IGSF21: variants seen among roughly 807,000 people sequenced by gnomAD.
IGSF21 encodes the protein immunoglobin superfamily member 21, also known as immunoglobulin superfamily member 21.
IGSF21 carries 28 observed loss-of-function variants against 46.8 expected under a neutral mutation model. The observed-to-expected ratio is 0.60, with a 90% confidence interval of 0.44 to 0.82. The LOEUF is 0.82. IGSF21 is among the 40% of genes least tolerant of loss of function. IGSF21 has a pLI of 0.00. For synonymous variants in IGSF21, 284 were observed against 273.6 expected, an observed-to-expected ratio of 1.04 and a Z score of -0.38; for missense variants, 624 against 665.5, an observed-to-expected ratio of 0.94 and a Z score of 0.69.
In IGSF21 at chr1:18,338,037, G is replaced by A. The variant is rs141091244; in HGVS notation, c.424+3027G>A. Among the ~76,000 whole-genome samples, 1,143 of 152,176 alleles carry A rather than the reference G, an allele frequency of 7.5e-3. 11 individuals carry two copies. Among genetic ancestry groups the A allele is most frequent in the Middle Eastern group, 0.027 (8 of 294 alleles). On this transcript the variant is annotated intron_variant, in intron 4 of 9. Coordinates refer to ENST00000251296, the MANE Select transcript of IGSF21 (RefSeq NM_032880.5). Reference sequence around the variant, plus strand: ...CATACAGCATCTCCTGTAACCCATCGACCACATGGGCCTGGGAGGCAGGCA... The same window carrying A: ...CATACAGCATCTCCTGTAACCCATCAACCACATGGGCCTGGGAGGCAGGCA...
intron 3 of IGSF21, among the ~76,000 whole-genome samples, chr1:18,325,416 G>A (rs929473386): frequency 1.3e-5 from 2 of 152,152 alleles, no homozygotes; most frequent in African/African-American, 4.8e-5. Flanking sequence ...GAGGGGGAGG[G>A]AGAAGGACTG....
chr1:18,145,761 C>T (rs78819149), intron 1 of IGSF21, among the ~76,000 whole-genome samples: 1,703 of 152,318 alleles, frequency 0.011, 21 homozygotes, highest in Non-Finnish European at 0.019. Context: ...ATGCGCAGGG[C>T]ACCTGCCGGC....
chr1:18,117,373 G>A (rs1484813895), intron 1 of IGSF21, among the ~76,000 whole-genome samples: 1 of 152,218 alleles, frequency 6.6e-6, no homozygotes, highest in Non-Finnish European at 1.5e-5. Context: ...GGGAGGAGGA[G>A]CGCGGTCCTG....
chr1:18,362,705 G>A (rs191797925), intron 5 of IGSF21, among the ~76,000 whole-genome samples: 2 of 152,328 alleles, frequency 1.3e-5, no homozygotes, highest in Admixed American at 1.3e-4. Context: ...CTGAAAGGAG[G>A]GACAGGATGG....
intron 1 of IGSF21, among the ~76,000 whole-genome samples, chr1:18,149,909 C>T (rs964928083): frequency 1.3e-5 from 2 of 152,116 alleles, no homozygotes; most frequent in Non-Finnish European, 1.5e-5. Flanking sequence ...TTTCACCATA[C>T]GCTAATTATT....
intron 9 of IGSF21, among the ~76,000 whole-genome samples, chr1:18,377,808 G>A (rs949204110): frequency 2.8e-4 from 43 of 152,186 alleles, no homozygotes; most frequent in Admixed American, 2.8e-3. Context: ...CGACCGTGGG[G>A]CTGCGTTCTG....
chr1:18,258,197 AG>A (rs2084909470), intron 2 of IGSF21, among the ~76,000 whole-genome samples: 1 of 152,198 alleles, frequency 6.6e-6, no homozygotes, highest in South Asian at 2.1e-4. Context: ...GGAGAGGGAA[AG>A]GGGTTCCCTT....
intron 1 of IGSF21, among the ~76,000 whole-genome samples, chr1:18,158,824 TAGAAGGTTATGCACCCTTTCAG>T (rs1328498525): frequency 6.6e-6 from 1 of 152,158 alleles, no homozygotes; most frequent in African/African-American, 2.4e-5. Context: ...GTTATGTAGT[TAGAAGGTTATGCACCCTTTCAG>T]AGAAGGGTGG....
In IGSF21 at chr1:18,254,455, A is replaced by G. The variant is rs577448908; in HGVS notation, c.183+26445A>G. 3.9e-5 allele frequency among the ~76,000 whole-genome samples: 6 copies of G among 152,294 alleles called. No homozygotes were observed. In the South Asian group the frequency reaches 1.0e-3, roughly 26 times the overall value. On this transcript the variant is annotated intron_variant, in intron 2 of 9. Coordinates refer to ENST00000251296, the MANE Select transcript of IGSF21 (RefSeq NM_032880.5). ...TCTTTAACCCTAACCCTAGAGTTAG[A>G]TTCAAAAACATAATCCTAACCCTAA...
intron 4 of IGSF21, chr1:18,361,585 G>C (rs536988656): frequency 6.5e-6 from 1 of 154,718 alleles, no homozygotes. Context: ...AACCTACTGC[G>C]GGCTCTGGCA....
intron 2 of IGSF21, among the ~76,000 whole-genome samples, chr1:18,262,182 G>A (rs1218869626): frequency 1.3e-5 from 2 of 152,242 alleles, no homozygotes; most frequent in East Asian, 3.9e-4. Flanking sequence ...TACACCTCTG[G>A]GTTAATCCCC....
chr1:18,185,740 A>G (rs1304428692), intron 1 of IGSF21, among the ~76,000 whole-genome samples: 1 of 152,196 alleles, frequency 6.6e-6, no homozygotes, highest in Non-Finnish European at 1.5e-5. Flanking sequence ...AGGGATGATA[A>G]TAATAGCACC....
At chr1:18,171,566 T>G (rs2086737346) in intron 1 of IGSF21, among the ~76,000 whole-genome samples, 2 of 152,216 alleles carry the variant, frequency 1.3e-5, no homozygotes, top group Admixed American at 1.3e-4. Flanking sequence ...GAGTGACTTT[T>G]CCTCTCCAAG....
At chr1:18,255,203 G>A (rs573438138) in intron 2 of IGSF21, among the ~76,000 whole-genome samples, 2 of 152,264 alleles carry the variant, frequency 1.3e-5, no homozygotes, top group South Asian at 4.2e-4. Context: ...GGAGGAGGGG[G>A]CTAAGCCTGC....
chr1:18,123,037 G>C (rs973079995), intron 1 of IGSF21, among the ~76,000 whole-genome samples: 10 of 152,178 alleles, frequency 6.6e-5, no homozygotes, highest in African/African-American at 2.4e-4. Flanking sequence ...GAAAATACCA[G>C]TTTGGTAGGA....
chr1:18,327,293 C>T (rs1007041321), intron 3 of IGSF21, among the ~76,000 whole-genome samples: 1 of 152,116 alleles, frequency 6.6e-6, no homozygotes, highest in African/African-American at 2.4e-5. Flanking sequence ...GGCAAAAAGA[C>T]AAAAACTCAT....
chr1:18,136,900 T>C (rs1218906521), intron 1 of IGSF21, among the ~76,000 whole-genome samples: 1 of 152,240 alleles, frequency 6.6e-6, no homozygotes, highest in Non-Finnish European at 1.5e-5. Context: ...CATGGAATGT[T>C]CTTCCATTTG....
intron 1 of IGSF21, among the ~76,000 whole-genome samples, chr1:18,162,472 G>A (rs1213164948): frequency 6.6e-6 from 1 of 151,962 alleles, no homozygotes; most frequent in Non-Finnish European, 1.5e-5. Flanking sequence ...CAGCATTAGG[G>A]AGCTGCAGCT....
intron 2 of IGSF21, among the ~76,000 whole-genome samples, chr1:18,288,584 C>A (rs1269265121): frequency 6.6e-6 from 1 of 152,236 alleles, no homozygotes; most frequent in African/African-American, 2.4e-5. Flanking sequence ...CCCACCACAC[C>A]TTCTGTCCAC....
Sources: gnomAD v4.1 joint callset for allele counts (sites outside exome capture counted in the v4.1 genomes callset) on GRCh38, gnomAD v4.1.1 for gene constraint, MANE v1.5 for transcripts, NCBI Gene and HGNC (gene_info 2026-07-23, HGNC 2026-07-21) for gene names.